RBFOX1: variants seen among roughly 807,000 people sequenced by gnomAD.
RBFOX1 encodes the protein RNA binding fox-1 homolog 1, also known as RNA binding protein fox-1 homolog 1.
RBFOX1 carries 8 observed loss-of-function variants against 57.7 expected under a neutral mutation model. The ratio of observed to expected loss-of-function variants is 0.14; its 90% CI spans 0.08 to 0.25. RBFOX1 has a LOEUF of 0.25. Among genes scored for constraint, RBFOX1 ranks in the 10% least tolerant of loss-of-function variants. The pLI is 1.00. For missense variants in RBFOX1, 611 were observed against 548.5 expected (o/e 1.11, Z -1.14); for synonymous variants, 326 against 222.4 (o/e 1.47, Z -4.15).
intron 2 of RBFOX1, among the ~76,000 whole-genome samples, chr16:5,560,497 T>C (rs1567231421): frequency 1.3e-5 from 2 of 152,336 alleles, no homozygotes; most frequent in Non-Finnish European, 1.5e-5. Context: ...CTCTGTAGAC[T>C]GTAAACTCTA....
rs565687292 is a variant in RBFOX1 at position 6,720,524 on chromosome 16, G to A, written c.-16+65874G>A. ...AGCCAGGGATAATTCAGGAAAGGGTGTTACAGGCAGCAGGAACAGCAAAGG... is the reference window on the plus strand; with the variant it reads ...AGCCAGGGATAATTCAGGAAAGGGTATTACAGGCAGCAGGAACAGCAAAGG... On this transcript the variant is annotated intron_variant, in intron 3 of 15. Coordinates refer to ENST00000550418, the MANE Select transcript of RBFOX1 (RefSeq NM_018723.4). 7.4e-4 allele frequency among the ~76,000 whole-genome samples: 113 copies of A among 152,372 alleles called. 1 individual carries two copies. The highest frequency in any genetic ancestry group is 1.9e-3 in the Admixed American group (29 of 15,306).
At chr16:6,963,009 A>G (rs1276385662) in intron 3 of RBFOX1, among the ~76,000 whole-genome samples, 1 of 152,180 alleles carries the variant, frequency 6.6e-6, no homozygotes, top group South Asian at 2.1e-4. Flanking sequence ...CCAGCCAAGA[A>G]TCAGCTCTGT....
intron 4 of RBFOX1, among the ~76,000 whole-genome samples, chr16:7,500,275 G>T (rs2070289668): frequency 6.6e-6 from 1 of 152,190 alleles, no homozygotes; most frequent in African/African-American, 2.4e-5. Flanking sequence ...TGCCAAGATG[G>T]AACTGTTTGG....
intron 5 of RBFOX1, among the ~76,000 whole-genome samples, chr16:7,577,153 A>G (rs1394684513): frequency 1.3e-5 from 2 of 152,234 alleles, no homozygotes; most frequent in Non-Finnish European, 2.9e-5. Context: ...CTAATAATTC[A>G]TTCGGTCAGT....
chr16:6,399,384 A>G (rs867918584), intron 2 of RBFOX1, among the ~76,000 whole-genome samples: 2 of 152,196 alleles, frequency 1.3e-5, no homozygotes, highest in Non-Finnish European at 2.9e-5. Context: ...ATGCGAAATC[A>G]TGTCTCTCAA....
At chr16:7,235,507 A>G (rs527493138) in intron 4 of RBFOX1, among the ~76,000 whole-genome samples, 15 of 152,306 alleles carry the variant, frequency 9.8e-5, no homozygotes, top group South Asian at 6.2e-4. Flanking sequence ...GTAGTTTTTG[A>G]CATTTTATGG....
chr16:6,118,095 C>T (rs1289994844), intron 1 of RBFOX1, among the ~76,000 whole-genome samples: 4 of 152,296 alleles, frequency 2.6e-5, no homozygotes, highest in African/African-American at 9.6e-5. Flanking sequence ...CACCCATCTT[C>T]TCTGAGTATT....
intron 14 of RBFOX1, among the ~76,000 whole-genome samples, chr16:7,705,957 G>T (rs887039052): frequency 6.6e-6 from 1 of 152,158 alleles, no homozygotes; most frequent in Non-Finnish European, 1.5e-5. Context: ...TGGTGTGGAG[G>T]ATGACCATAT....
chr16:7,293,006 G>A (rs1053287052), intron 4 of RBFOX1, among the ~76,000 whole-genome samples: 6 of 152,110 alleles, frequency 3.9e-5, no homozygotes, highest in African/African-American at 1.4e-4. Flanking sequence ...AAGAGGAAAA[G>A]GAAGTAAGGC....
At chr16:5,919,681 C>A (rs778395523) in intron 4 of RBFOX1, among the ~76,000 whole-genome samples, 42 of 152,212 alleles carry the variant, frequency 2.8e-4, no homozygotes, top group Admixed American at 7.8e-4. Flanking sequence ...GTATTTAGTG[C>A]ATTCACAAGG....
At chr16:6,868,696 T>C (rs988789836) in intron 3 of RBFOX1, among the ~76,000 whole-genome samples, 2 of 152,184 alleles carry the variant, frequency 1.3e-5, no homozygotes, top group African/African-American at 4.8e-5. Flanking sequence ...GGTCAGAACT[T>C]CTGATCTCAG....
intron 3 of RBFOX1, among the ~76,000 whole-genome samples, chr16:7,016,701 A>C (rs1346222148): frequency 6.6e-6 from 1 of 152,208 alleles, no homozygotes; most frequent in Non-Finnish European, 1.5e-5. Context: ...ACTGATGCCT[A>C]TTCCCGTATT....
intron 4 of RBFOX1, among the ~76,000 whole-genome samples, chr16:7,071,318 T>A (rs368239125): frequency 1.3e-5 from 2 of 152,142 alleles, no homozygotes; most frequent in South Asian, 2.1e-4. Flanking sequence ...TAGGTATATG[T>A]AATTATAATG....
At chr16:6,700,524 G>T (rs907768100) in intron 3 of RBFOX1, among the ~76,000 whole-genome samples, 2 of 152,040 alleles carry the variant, frequency 1.3e-5, no homozygotes, top group African/African-American at 4.8e-5. Flanking sequence ...TGGGTGAGGT[G>T]GTGGGTGCCT....
chr16:7,163,245 A>G (rs542103501), intron 4 of RBFOX1, among the ~76,000 whole-genome samples: 105 of 152,116 alleles, frequency 6.9e-4, no homozygotes, highest in African/African-American at 2.1e-3. Flanking sequence ...TCTTTTGACT[A>G]TTACGTTGTT....
At chr16:5,556,842 A>T (rs11640221) in intron 2 of RBFOX1, among the ~76,000 whole-genome samples, 2 of 151,858 alleles carry the variant, frequency 1.3e-5, no homozygotes, top group African/African-American at 2.4e-5. Context: ...TGTGTACCCT[A>T]TTACTTCCCT....
chr16:5,815,414 A>G (rs112599128), intron 3 of RBFOX1, among the ~76,000 whole-genome samples: 1 of 152,046 alleles, frequency 6.6e-6, no homozygotes, highest in Non-Finnish European at 1.5e-5. Flanking sequence ...TTCAGATCCC[A>G]TGATTAGAAC....
intron 5 of RBFOX1, among the ~76,000 whole-genome samples, chr16:7,575,821 C>T (rs1271867976): frequency 6.6e-6 from 1 of 152,176 alleles, no homozygotes; most frequent in African/African-American, 2.4e-5. Context: ...CAGTGGAGGG[C>T]TTTGTGATGA....
intron 4 of RBFOX1, among the ~76,000 whole-genome samples, chr16:7,175,326 C>T (rs781027477): frequency 1.3e-5 from 2 of 152,144 alleles, no homozygotes; most frequent in Non-Finnish European, 2.9e-5. Flanking sequence ...TAACCTTCTT[C>T]GCCTGTGAAA....
Sources: allele counts gnomAD v4.1 joint callset (sites outside exome capture counted in the v4.1 genomes callset), GRCh38; gene constraint gnomAD v4.1.1; transcripts MANE v1.5; gene names NCBI Gene and HGNC (gene_info 2026-07-23, HGNC 2026-07-21).